ADGRL2: variants seen among roughly 807,000 people sequenced by gnomAD.
The protein encoded by ADGRL2 is calcium-independent alpha-latrotoxin receptor 2.
ADGRL2 carries 44 observed loss-of-function variants against 157.4 expected under a neutral mutation model. The ratio of observed to expected loss-of-function variants is 0.28; its 90% CI spans 0.22 to 0.36. The LOEUF is 0.36. ADGRL2 is among the 10% of genes least tolerant of loss of function. ADGRL2 has a pLI of 1.00. For synonymous variants in ADGRL2, 585 were observed against 624.7 expected (o/e 0.94, Z 0.95); for missense variants, 1,510 against 1,768.9 (o/e 0.85, Z 2.63).
chr1:81,656,028 G>A (rs534719156), intron 3 of ADGRL2, among the ~76,000 whole-genome samples: 1 of 152,298 alleles, frequency 6.6e-6, no homozygotes, highest in African/African-American at 2.4e-5. Flanking sequence ...TTCAAACAGA[G>A]TATACCCTTT....
rs377309586 is a variant in ADGRL2 at position 81,823,853 on chromosome 1, A to G, written c.-100-13032A>G. ...TTCTATGACCCAAGAACATAAGAGC[A>G]AATTAAATAATATTTAAAAAAGAAA... On this transcript the variant is annotated intron_variant, in intron 1 of 23. Coordinates refer to ENST00000686636, the MANE Select transcript of ADGRL2 (RefSeq NM_001366006.2). Among the ~76,000 whole-genome samples the G allele has an allele frequency of 3.0e-4, 46 of 152,322 alleles. 2 individuals carry two copies. Among genetic ancestry groups the G allele is most frequent in the East Asian group, 2.5e-3 (13 of 5,178 alleles).
At position 81,942,042 on chromosome 1, in the gene ADGRL2, A is replaced by G. The variant is rs1648188437; in HGVS notation, c.406A>G (p.Lys136Glu). 3 of 770,986 alleles carry G rather than the reference A, an allele frequency of 3.9e-6. No homozygotes were observed. The Admixed American group carries it at 5.2e-5, about 13-fold the overall frequency. The allele number at this position is 770,986 out of a possible 1,614,324, so 47.8% of individuals were successfully genotyped here. A position where few individuals can be genotyped will look rare whatever the true frequency, so the allele number is the denominator to read the frequency against. The change falls in exon 5 of 24, where the codon AAA becomes GAA. Residue 136 changes from lysine to glutamate, a missense_variant. By Grantham distance (56) the Lys-to-Glu change is moderately conservative. Coordinates refer to ENST00000686636, the MANE Select transcript of ADGRL2 (RefSeq NM_001366006.2). The part of the protein sequence containing the change: ...QYECVPYMEQ[K>E]VFVCPGTLKA... ...GATGCTTAAAATAGAAGTGGAGCAAAAAGGTAAATAACATACAGTCTGAAC... is the reference window on the plus strand; with the variant it reads ...GATGCTTAAAATAGAAGTGGAGCAAGAAGGTAAATAACATACAGTCTGAAC...
chr1:81,355,909 C>A (rs1435913470), intron 1 of ADGRL2, among the ~76,000 whole-genome samples: 3 of 149,606 alleles, frequency 2.0e-5, no homozygotes, highest in African/African-American at 4.9e-5. Context: ...CTGCCTAAGA[C>A]CCTCATCTTG....
chr1:81,860,048 C>A (rs1218373976), intron 2 of ADGRL2, among the ~76,000 whole-genome samples: 1 of 151,898 alleles, frequency 6.6e-6, no homozygotes, highest in East Asian at 2.0e-4. Flanking sequence ...CATAGTGAAA[C>A]CCCGTCTGTA....
intron 2 of ADGRL2, among the ~76,000 whole-genome samples, chr1:81,546,053 AT>A (rs963387639): frequency 1.3e-4 from 20 of 150,006 alleles, no homozygotes; most frequent in South Asian, 1.1e-3. Flanking sequence ...TCTTAAAAAT[AT>A]TTTTTTTTTC....
At chr1:81,762,321 A>G (rs2085910765) in intron 2 of ADGRL2, among the ~76,000 whole-genome samples, 2 of 152,190 alleles carry the variant, frequency 1.3e-5, no homozygotes, top group South Asian at 2.1e-4. Flanking sequence ...GAATTTTAAA[A>G]TATTTATTTT....
At chr1:81,397,261 T>C (rs1198405098) in intron 1 of ADGRL2, among the ~76,000 whole-genome samples, 1 of 151,612 alleles carries the variant, frequency 6.6e-6, no homozygotes, top group Non-Finnish European at 1.5e-5. Flanking sequence ...GAGCTATTCA[T>C]AATGGTTTCT....
At chr1:81,983,296 A>G (rs1337487165) in intron 19 of ADGRL2, among the ~76,000 whole-genome samples, 1 of 151,954 alleles carries the variant, frequency 6.6e-6, no homozygotes, top group Non-Finnish European at 1.5e-5. Context: ...GTGCGCCAGG[A>G]TGAGTTGTTA....
intron 2 of ADGRL2, among the ~76,000 whole-genome samples, chr1:81,838,995 G>C (rs907464839): frequency 6.6e-6 from 1 of 151,898 alleles, no homozygotes; most frequent in East Asian, 1.9e-4. Flanking sequence ...ATCTAGTATT[G>C]CATGGGTTTG....
chr1:81,722,445 T>G (rs1370226104), intron 1 of ADGRL2: 2 of 1,324,298 alleles, frequency 1.5e-6, no homozygotes, highest in East Asian at 4.6e-5. Flanking sequence ...TTGGCCGTTT[T>G]GTATGCCAAG....
At chr1:81,704,135 G>A (rs1330009693) in intron 1 of ADGRL2, among the ~76,000 whole-genome samples, 1 of 152,224 alleles carries the variant, frequency 6.6e-6, no homozygotes, top group Non-Finnish European at 1.5e-5. Context: ...ACACAACCCA[G>A]ATTTCTGTTG....
chr1:81,786,176 A>T (rs890169121), intron 2 of ADGRL2, among the ~76,000 whole-genome samples: 51 of 152,226 alleles, frequency 3.4e-4, no homozygotes, highest in African/African-American at 1.2e-3. Flanking sequence ...TCATGCTAAA[A>T]ATTTGTATAT....
chr1:81,641,894 C>A (rs897149638), intron 3 of ADGRL2, among the ~76,000 whole-genome samples: 1 of 151,922 alleles, frequency 6.6e-6, no homozygotes, highest in Non-Finnish European at 1.5e-5. Flanking sequence ...AAACCAAAAT[C>A]TGGTTTTCTA....
intron 2 of ADGRL2, among the ~76,000 whole-genome samples, chr1:81,514,315 G>A (rs139225296): frequency 5.6e-4 from 85 of 152,178 alleles, no homozygotes; most frequent in African/African-American, 1.8e-3. Flanking sequence ...AGTTACAGCC[G>A]CAGAAAGAAA....
intron 3 of ADGRL2, among the ~76,000 whole-genome samples, chr1:81,916,662 CAT>C (rs1472757919): frequency 2.0e-5 from 3 of 151,860 alleles, no homozygotes; most frequent in African/African-American, 7.2e-5. Flanking sequence ...GAAAATAATA[CAT>C]GTGTTTATTA....
chr1:81,488,362 G>T (rs777809326), intron 2 of ADGRL2, among the ~76,000 whole-genome samples: 2 of 152,184 alleles, frequency 1.3e-5, no homozygotes, highest in Non-Finnish European at 2.9e-5. Flanking sequence ...AAACTCTGGG[G>T]AAAGGGAAGA....
At chr1:81,976,052 G>T (rs919866325) in intron 17 of ADGRL2, among the ~76,000 whole-genome samples, 1 of 151,906 alleles carries the variant, frequency 6.6e-6, no homozygotes, top group African/African-American at 2.4e-5. Flanking sequence ...TTTTAAAAAT[G>T]TATCTGTGCT....
chr1:81,848,723 T>C (rs1324223608), intron 2 of ADGRL2, among the ~76,000 whole-genome samples: 1 of 151,934 alleles, frequency 6.6e-6, no homozygotes, highest in Non-Finnish European at 1.5e-5. Context: ...TTTCAAATAA[T>C]CTTCCAAAGT....
At chr1:81,477,179 C>A (rs1482818002) in intron 2 of ADGRL2, among the ~76,000 whole-genome samples, 1 of 152,190 alleles carries the variant, frequency 6.6e-6, no homozygotes, top group Non-Finnish European at 1.5e-5. Flanking sequence ...ATAATAGGCA[C>A]ACCAGCCCTC....
Sources: allele counts gnomAD v4.1 joint callset (sites outside exome capture counted in the v4.1 genomes callset), GRCh38; gene constraint gnomAD v4.1.1; transcripts MANE v1.5; gene names NCBI Gene and HGNC (gene_info 2026-07-23, HGNC 2026-07-21).